THADA: variants seen among roughly 807,000 people sequenced by gnomAD.
The protein encoded by THADA is tRNA (32-2'-O)-methyltransferase regulator THADA.
THADA carries 213 observed loss-of-function variants against 219.8 expected under a neutral mutation model. The ratio of observed to expected loss-of-function variants is 0.97; its 90% confidence interval spans 0.87 to 1.09. THADA has a LOEUF of 1.09. THADA is among the 50% of genes least tolerant of loss of function. The pLI is 0.00. For missense variants in THADA, 2,956 were observed against 2,311.3 expected, an observed-to-expected ratio of 1.28 and a Z score of -5.72; for synonymous variants, 1,018 against 828.9, an observed-to-expected ratio of 1.23 and a Z score of -3.92.
At chr2:43,595,441 C>T (rs1339734109) in intron 1 of THADA, among the ~76,000 whole-genome samples, 4 of 152,206 alleles carry the variant, frequency 2.6e-5, no homozygotes, top group Non-Finnish European at 4.4e-5. Flanking sequence ...GGAGACTATT[C>T]TCTGGTGAAA....
At chr2:43,498,370 T>C (rs1321770626) in intron 25 of THADA, among the ~76,000 whole-genome samples, 3 of 152,108 alleles carry the variant, frequency 2.0e-5, no homozygotes, top group Non-Finnish European at 4.4e-5. Context: ...AAAAAACGGT[T>C]AAAGTGGTAA....
intron 26 of THADA, among the ~76,000 whole-genome samples, chr2:43,453,277 T>C (rs1413500850): frequency 6.6e-6 from 1 of 152,204 alleles, no homozygotes; most frequent in Non-Finnish European, 1.5e-5. Flanking sequence ...CCTTAAGAAG[T>C]GGACATCCAT....
intron 26 of THADA, among the ~76,000 whole-genome samples, chr2:43,468,558 T>G (rs1336757762): frequency 6.6e-6 from 1 of 152,208 alleles, no homozygotes; most frequent in Non-Finnish European, 1.5e-5. Flanking sequence ...GCCCTCATTT[T>G]CACTGCTACC....
intron 20 of THADA, among the ~76,000 whole-genome samples, chr2:43,543,576 G>A (rs1257684344): frequency 6.6e-6 from 1 of 151,988 alleles, no homozygotes; most frequent in Non-Finnish European, 1.5e-5. Flanking sequence ...TCTACCTGGT[G>A]TGAGATGGTA....
rs757259974 is a variant in THADA at position 43,263,052 on chromosome 2, T to C, written c.5296+16713A>G. ...TTGGCCTTTGAAAATCTGGTCCCTA[T>C]CTACCTTTAGTGTTTGTCCTTCTCC... On this transcript the variant is annotated intron_variant, in intron 36 of 37. Coordinates refer to ENST00000405975, the MANE Select transcript of THADA (RefSeq NM_022065.5). Among the ~76,000 whole-genome samples, 3 of 152,280 alleles carry C rather than the reference T, an allele frequency of 2.0e-5. No individual in the cohort carries two copies. The South Asian group carries it at 6.2e-4, about 32-fold the overall frequency.
intron 28 of THADA, among the ~76,000 whole-genome samples, chr2:43,423,315 C>T (rs1452618311): frequency 6.6e-6 from 1 of 152,168 alleles, no homozygotes; most frequent in African/African-American, 2.4e-5. Flanking sequence ...GCAAGAGATT[C>T]TTTCCCTATC....
In THADA at chr2:43,292,205, G is replaced by A. The variant is rs375630962; in HGVS notation, c.4836C>T (p.His1612=). The change falls in exon 33 of 38, where the codon CAC becomes CAT. Residue 1612 remains histidine (H), a synonymous_variant. Coordinates refer to ENST00000405975, the MANE Select transcript of THADA (RefSeq NM_022065.5). ...ECFCKILKIL[H]CMDPGEWLPQ... is the part of the protein sequence containing the mutation. ...GAAGCCACTCACCAGGGTCCATGCA[G>A]TGGAGAATTTTCAGTATCTGTGTAA... is the stretch of plus-strand genomic sequence containing the variant. The A allele has an allele frequency of 5.0e-6, 8 of 1,605,746 alleles. No homozygotes were observed. In the East Asian group the frequency reaches 6.7e-5, roughly 13 times the overall value.
At chr2:43,514,493 T>TATATAAGTATATTTTATATATAATATATA (rs1231717057) in intron 22 of THADA, among the ~76,000 whole-genome samples, 3 of 138,204 alleles carry the variant, frequency 2.2e-5, no homozygotes, top group South Asian at 2.1e-4. Context: ...ATATACATAA[T>TATATAAGTATATTTTATATATAATATATA]ATATACGTAT....
At position 43,574,324 on chromosome 2, in the gene THADA, C is replaced by T. The variant is rs571499807; in HGVS notation, c.1729+12G>A. On this transcript the variant is annotated intron_variant, in intron 11 of 37. Coordinates refer to ENST00000405975, the MANE Select transcript of THADA (RefSeq NM_022065.5). ...ATTAGAAACTACTAAAACAAAAATG[C>T]ATTTTTCTTACCAGTTTTAGCATCA... 3.5e-5 allele frequency: 53 copies of T among 1,510,490 alleles called. No individual in the cohort carries two copies. Among genetic ancestry groups the T allele is most frequent in the Non-Finnish European group, 2.0e-5 (23 of 1,131,648 alleles). 93.6% of individuals were successfully genotyped at this position (1,510,490 alleles called of 1,614,324 possible).
chr2:43,536,785 G>A (rs910913765), intron 21 of THADA, among the ~76,000 whole-genome samples: 4 of 151,888 alleles, frequency 2.6e-5, no homozygotes, highest in South Asian at 2.1e-4. Context: ...TACTACTAAC[G>A]CAAAGTAATT....
intron 36 of THADA, among the ~76,000 whole-genome samples, chr2:43,274,993 C>CTTTTTTTT (rs202126240): frequency 8.2e-6 from 1 of 121,626 alleles, no homozygotes; most frequent in Non-Finnish European, 1.7e-5. Flanking sequence ...CTTTTCTTTT[C>CTTTTTTTT]TTTTCTTTTT....
intron 20 of THADA, among the ~76,000 whole-genome samples, chr2:43,548,880 C>T (rs1696405238): frequency 6.6e-6 from 1 of 152,216 alleles, no homozygotes; most frequent in South Asian, 2.1e-4. Context: ...ACCCACTGTC[C>T]TGCGCCCACT....
rs199696264 is a variant in THADA, at chr2:43,239,974, TC to T, written c.5297-7093del. On this transcript the variant is annotated intron_variant, in intron 36 of 37. Coordinates refer to ENST00000405975, the MANE Select transcript of THADA (RefSeq NM_022065.5). ...TGAGGAAAACCACCCAGAAAACCACTCTAAGAGAGAGAAGAGTTGCCAGAGG... is the reference window on the plus strand; with the variant it reads ...TGAGGAAAACCACCCAGAAAACCACTTAAGAGAGAGAAGAGTTGCCAGAGG... 1.1e-3 allele frequency among the ~76,000 whole-genome samples: 170 copies of T among 152,162 alleles called. 2 individuals are homozygous for T. The East Asian group carries it at 0.03, about 27-fold the overall frequency.
intron 29 of THADA, among the ~76,000 whole-genome samples, chr2:43,354,089 T>C (rs1419282312): frequency 6.6e-6 from 1 of 152,052 alleles, no homozygotes; most frequent in African/African-American, 2.4e-5. Context: ...AGTGCTGGGA[T>C]TACAGGCGGG....
intron 26 of THADA, among the ~76,000 whole-genome samples, chr2:43,449,810 T>G (rs1020530365): frequency 6.6e-6 from 1 of 152,064 alleles, no homozygotes; most frequent in African/African-American, 2.4e-5. Flanking sequence ...CGGTCCTGAA[T>G]AAGATTATCA....
At chr2:43,511,789 T>G (rs540388830) in intron 22 of THADA, among the ~76,000 whole-genome samples, 94 of 152,274 alleles carry the variant, frequency 6.2e-4, no homozygotes, top group Admixed American at 4.3e-3. Context: ...CCAATTAACT[T>G]GAAGCAACTA....
intron 26 of THADA, among the ~76,000 whole-genome samples, chr2:43,452,052 A>T (rs961134132): frequency 1.3e-5 from 2 of 152,212 alleles, no homozygotes; most frequent in Non-Finnish European, 2.9e-5. Context: ...GGTTGCAGTG[A>T]GCTGAGATAG....
chr2:43,479,815 A>C (rs373560598), intron 26 of THADA, among the ~76,000 whole-genome samples: 4 of 152,176 alleles, frequency 2.6e-5, no homozygotes, highest in African/African-American at 9.7e-5. Context: ...GGGCTCATTG[A>C]GGTAAATAAC....
rs376924256 is a variant in THADA, at chr2:43,577,573, A to G, written c.817-331T>C. 4.6e-5 allele frequency among the ~76,000 whole-genome samples: 7 copies of G among 152,218 alleles called. No individual in the cohort carries two copies. The East Asian group carries it at 1.2e-3, about 25-fold the overall frequency. On this transcript the variant is annotated intron_variant, in intron 9 of 37. Coordinates refer to ENST00000405975, the MANE Select transcript of THADA (RefSeq NM_022065.5). ...CTTTTAGAGGTGATTTGAGAAATAA[A>G]CATCTTCGACTTATCCAAAGATAAT...
Sources: allele counts gnomAD v4.1 joint callset (sites outside exome capture counted in the v4.1 genomes callset), GRCh38; gene constraint gnomAD v4.1.1; transcripts MANE v1.5; gene names NCBI Gene and HGNC (gene_info 2026-07-23, HGNC 2026-07-21).